Variants in EPHA3 observed in about 807,000 individuals in gnomAD.
EPHA3 encodes the protein EPH receptor A3.
A neutral mutation model predicts 107.1 loss-of-function variants in EPHA3; 42 were observed. The observed-to-expected ratio is 0.39, with a 90% CI of 0.31 to 0.51. The LOEUF is 0.51. Among genes scored for constraint, EPHA3 ranks in the 20% least tolerant of loss-of-function variants. The pLI is 0.78. For missense variants in EPHA3, 1,183 were observed against 1,211.2 expected (o/e 0.98, Z 0.35); for synonymous variants, 461 against 424.8 (o/e 1.09, Z -1.05).
At chr3:89,336,867 C>T (rs1363501997) in intron 3 of EPHA3, among the ~76,000 whole-genome samples, 1 of 151,918 alleles carries the variant, frequency 6.6e-6, no homozygotes, top group African/African-American at 2.4e-5. Context: ...TCAATACTAG[C>T]CAGGTAATAT....
chr3:89,228,855 A>C (rs1284144472), intron 3 of EPHA3, among the ~76,000 whole-genome samples: 1 of 151,956 alleles, frequency 6.6e-6, no homozygotes, highest in Non-Finnish European at 1.5e-5. Context: ...GCTGAAGTAC[A>C]TATAAACTAA....
chr3:89,121,710 T>C (rs1259602017), intron 1 of EPHA3, among the ~76,000 whole-genome samples: 1 of 151,944 alleles, frequency 6.6e-6, no homozygotes, highest in African/African-American at 2.4e-5. Context: ...TGAGCCAAGT[T>C]TGTGCCACTG....
chr3:89,472,431 A>T (rs1223957240), intron 15 of EPHA3, 33 bp from the exon 16 acceptor site: 1 of 1,605,002 alleles, frequency 6.2e-7, no homozygotes, highest in Non-Finnish European at 8.5e-7. Flanking sequence ...CTGACTCCTG[A>T]TCTGTCTCCC....
chr3:89,398,725 C>G (rs931827259), intron 6 of EPHA3, among the ~76,000 whole-genome samples: 1 of 152,208 alleles, frequency 6.6e-6, no homozygotes, highest in African/African-American at 2.4e-5. Context: ...AACATATCTT[C>G]TCTCACATAT....
intron 15 of EPHA3, among the ~76,000 whole-genome samples, chr3:89,467,918 A>C (rs1222217669): frequency 2.0e-5 from 3 of 152,214 alleles, no homozygotes; most frequent in Non-Finnish European, 4.4e-5. Flanking sequence ...GCATGGATTG[A>C]AACCTATCTA....
chr3:89,208,517 A>C (rs1387562418), intron 2 of EPHA3, among the ~76,000 whole-genome samples: 1 of 150,008 alleles, frequency 6.7e-6, no homozygotes, highest in Non-Finnish European at 1.5e-5. Flanking sequence ...GAAGAAAGGA[A>C]GGAAGGGAAA....
intron 3 of EPHA3, among the ~76,000 whole-genome samples, chr3:89,237,433 G>A (rs1469855138): frequency 6.6e-6 from 1 of 152,040 alleles, no homozygotes; most frequent in African/African-American, 2.4e-5. Context: ...CACAAACCAA[G>A]GATTATGATT....
rs148063788 is a variant in EPHA3, at chr3:89,209,850, G to C, written c.154-10G>C. The stretch of plus-strand genomic sequence containing the variant: ...TCTGCCTCACTCTCTGTTTCTCTTT[G>C]ATTCTTCAGTGGGAAGAGATCAGTG... On this transcript the variant is annotated splice_polypyrimidine_tract_variant and intron_variant, in intron 2 of 16. Coordinates refer to ENST00000336596, the MANE Select transcript of EPHA3 (RefSeq NM_005233.6). 1 of 1,570,766 alleles carries C rather than the reference G, an allele frequency of 6.4e-7. No individual in the cohort carries two copies. Among genetic ancestry groups the C allele is most frequent in the Non-Finnish European group, 8.6e-7 (1 of 1,158,554 alleles).
chr3:89,438,006 A>G (rs1428364355), intron 13 of EPHA3, among the ~76,000 whole-genome samples: 1 of 152,184 alleles, frequency 6.6e-6, no homozygotes, highest in Non-Finnish European at 1.5e-5. Flanking sequence ...ATTTTACATA[A>G]TAATTTATTT....
At chr3:89,239,884 G>A (rs1444111848) in intron 3 of EPHA3, among the ~76,000 whole-genome samples, 1 of 152,140 alleles carries the variant, frequency 6.6e-6, no homozygotes, top group Non-Finnish European at 1.5e-5. Context: ...TTGAGGTAGT[G>A]CAAAATTAAA....
chr3:89,434,277 G>A (rs1475634879), intron 13 of EPHA3, among the ~76,000 whole-genome samples: 1 of 151,970 alleles, frequency 6.6e-6, no homozygotes, highest in Non-Finnish European at 1.5e-5. Flanking sequence ...GAGTGCAGTG[G>A]CGCAGTGTCG....
intron 7 of EPHA3, among the ~76,000 whole-genome samples, chr3:89,403,297 A>T (rs527437505): frequency 6.6e-6 from 1 of 152,186 alleles, no homozygotes; most frequent in African/African-American, 2.4e-5. Context: ...TCTACATGAC[A>T]GTATATAAAG....
chr3:89,210,144 T>C lies in EPHA3; in HGVS notation c.438T>C (p.Ile146=), dbSNP rs763643421. The C allele has an allele frequency of 3.1e-6, 5 of 1,613,988 alleles. No individual in the cohort carries two copies. The highest frequency in any genetic ancestry group is 4.2e-6 in the Non-Finnish European group (5 of 1,179,908). ...ATCAGTTTACAAAGATTGACACCAT[T>C]GCAGCTGATGAAAGTTTCACTCAAA... ...REHQFTKIDT[I]AADESFTQMD... The change falls in exon 3 of 17, where the codon ATT becomes ATC. Residue 146 remains isoleucine (I), a synonymous_variant. Coordinates refer to ENST00000336596, the MANE Select transcript of EPHA3 (RefSeq NM_005233.6).
intron 6 of EPHA3, among the ~76,000 whole-genome samples, chr3:89,396,765 G>GT (rs1268398109): frequency 2.6e-5 from 4 of 152,116 alleles, no homozygotes; most frequent in Non-Finnish European, 5.9e-5. Context: ...TATAAAGTGT[G>GT]TTAAAATGAA....
chr3:89,425,627 AACAGT>A (rs1709439737), intron 11 of EPHA3, among the ~76,000 whole-genome samples: 1 of 151,544 alleles, frequency 6.6e-6, no homozygotes, highest in Admixed American at 6.6e-5. Flanking sequence ...ATATCTGATA[AACAGT>A]TTGTTTGAAT....
chr3:89,218,538 G>T (rs993306899), intron 3 of EPHA3, among the ~76,000 whole-genome samples: 4 of 151,828 alleles, frequency 2.6e-5, no homozygotes, highest in Non-Finnish European at 5.9e-5. Flanking sequence ...GTCTATCATT[G>T]TTGGACATTT....
At chr3:89,127,631 G>A (rs1219744608) in intron 2 of EPHA3, among the ~76,000 whole-genome samples, 1 of 151,974 alleles carries the variant, frequency 6.6e-6, no homozygotes, top group Non-Finnish European at 1.5e-5. Context: ...TGTATTTGGA[G>A]ACGGTAATCT....
At chr3:89,271,351 G>A (rs1446252346) in intron 3 of EPHA3, among the ~76,000 whole-genome samples, 1 of 152,010 alleles carries the variant, frequency 6.6e-6, no homozygotes, top group Non-Finnish European at 1.5e-5. Context: ...TTCCCTTGCA[G>A]AGTACAGCAA....
intron 2 of EPHA3, among the ~76,000 whole-genome samples, chr3:89,154,843 C>T (rs1704764131): frequency 6.7e-6 from 1 of 148,952 alleles, no homozygotes; most frequent in Admixed American, 6.7e-5. Context: ...AGCCAACTTC[C>T]TTTAAGCCAC....
Sources: gnomAD v4.1 joint callset for allele counts (sites outside exome capture counted in the v4.1 genomes callset) on GRCh38, gnomAD v4.1.1 for gene constraint, MANE v1.5 for transcripts, NCBI Gene and HGNC (gene_info 2026-07-23, HGNC 2026-07-21) for gene names.